PGAP6: variants seen among roughly 807,000 people sequenced by gnomAD.
PGAP6 encodes post-GPI attachment to proteins 6, also known as post-GPI attachment to proteins factor 6.
Under a neutral mutation model 68.4 loss-of-function variants are expected in PGAP6, and 62 were observed. The ratio of observed to expected loss-of-function variants is 0.91; its 90% CI spans 0.74 to 1.12. PGAP6 has a LOEUF of 1.12. PGAP6 is among the 50% of genes most tolerant of loss of function. The probability of loss-of-function intolerance (pLI) is 0.00; values close to 1 mark genes in which losing one functional copy is unlikely to be tolerated. For missense variants in PGAP6, 1,188 were observed against 1,068.5 expected (o/e 1.11, Z -1.56); for synonymous variants, 575 against 474.0 (o/e 1.21, Z -2.77).
chr16:372,156 T>C lies in PGAP6; in HGVS notation c.2147A>G (p.Asp716Gly). The C allele has an allele frequency of 6.2e-7, 1 of 1,612,836 alleles. No individual in the cohort carries two copies. The highest frequency in any genetic ancestry group is 1.3e-5 in the African/African-American group (1 of 74,994). Residue 716 changes from aspartate (D) to glycine (G), a missense_variant, in exon 13 of 13, where the codon GAC (aspartate) becomes GGC (glycine). Asp to Gly is a moderately conservative substitution (Grantham distance 94). Coordinates refer to ENST00000431232, the MANE Select transcript of PGAP6 (RefSeq NM_021259.3). ...GATGCTGTGGGTGTAGTAGTAGTTG[T>C]CGCTAGTCATCATGGAGGTGTAGAT... ...IAIYTSMMTSDNYYYTHSIWH... is the reference protein window; with the variant it reads ...IAIYTSMMTSGNYYYTHSIWH...
In PGAP6 at chr16:377,840, G is replaced by A. The variant is rs1038098503; in HGVS notation, c.130C>T (p.Leu44=). ...AGYSGKSEVG[L]VSEHFSQAPQ... ...GCCTGCGAGAAGTGCTCGGACACCA[G>A]CCCCACCTCTGTGAGGAGAAGGAGG... The change falls in exon 2 of 13, where the codon CTG becomes TTG. Residue 44 remains leucine, a synonymous_variant. Coordinates refer to ENST00000431232, the MANE Select transcript of PGAP6 (RefSeq NM_021259.3). 1.3e-6 allele frequency: 2 copies of A among 1,557,078 alleles called. No individual in the cohort carries two copies. The highest frequency in any genetic ancestry group is 2.7e-5 in the African/African-American group (2 of 73,380).
chr16:376,875 C>T (rs2054389527), intron 4 of PGAP6, 63 bp from the exon 5 acceptor site: 1 of 1,582,240 alleles, frequency 6.3e-7, no homozygotes, highest in East Asian at 2.3e-5. Context: ...ACGCAGCGTG[C>T]CCAGGCTCTG....
intron 1 of PGAP6, among the ~76,000 whole-genome samples, chr16:378,451 G>A (rs763143): frequency 1.8e-5 from 1 of 54,912 alleles, no homozygotes; most frequent in African/African-American, 7.3e-5. Flanking sequence ...CACTGCCATC[G>A]CCACCCACAC....
chr16:377,532 G>T lies in PGAP6; in HGVS notation c.353C>A (p.Pro118Gln). ...PVINPLGTSF[P>Q]DDTAVQPSFQ... ...GGAGGGCTGTACCGCGGTGTCGTCCGGGAAGCTGGTGCCCAGCGGGTTGAT... is the reference window on the plus strand; with the variant it reads ...GGAGGGCTGTACCGCGGTGTCGTCCTGGAAGCTGGTGCCCAGCGGGTTGAT... The change falls in exon 3 of 13, where the codon CCG becomes CAG. Residue 118 changes from proline (P) to glutamine (Q), a missense_variant. By Grantham distance (76) the Pro-to-Gln change is moderately conservative. Transcript: ENST00000431232. 1 of 1,592,636 alleles carries T rather than the reference G, an allele frequency of 6.3e-7. No individual in the cohort carries two copies. Among genetic ancestry groups the T allele is most frequent in the East Asian group, 2.3e-5 (1 of 43,972 alleles).
chr16:372,776 G>T, intron 11 of PGAP6, 49 bp from the exon 12 acceptor site: 2 of 1,419,934 alleles, frequency 1.4e-6, no homozygotes, highest in Non-Finnish European at 2.0e-6. Context: ...AGGGCTCAAG[G>T]CCCAGCAGGA....
chr16:378,362 CCACCCG>C (rs2054409105), intron 1 of PGAP6, among the ~76,000 whole-genome samples: 1 of 117,124 alleles, frequency 8.5e-6, no homozygotes, highest in Non-Finnish European at 1.8e-5. Flanking sequence ...ACTGCCATCC[CCACCCG>C]CACTGCCATC....
upstream of PGAP6, among the ~76,000 whole-genome samples, chr16:383,867 A>G (rs1489232384): frequency 6.6e-6 from 1 of 152,064 alleles, no homozygotes; most frequent in Non-Finnish European, 1.5e-5. Flanking sequence ...GGGGAGGGGA[A>G]GCTGACTCCA....
At chr16:386,950 A>G (rs1191854701), upstream of PGAP6, 5 of 575,186 alleles carry the variant, frequency 8.7e-6, no homozygotes, top group South Asian at 6.9e-5. Context: ...TATCCTTGGA[A>G]GAGCACCCCC....
chr16:375,159 C>T lies in PGAP6; in HGVS notation c.1413G>A (p.Leu471=). ...CAGCATTCTCAGGGCACATGAGCTG[C>T]AGGGAGAGGTACCAGTTGTCTGTCT... The part of the protein sequence containing the change: ...YPETDNWYLS[L]QLMCPENAED... The change falls in exon 8 of 13, where the codon CTG becomes CTA. Residue 471 remains leucine (L), a synonymous_variant. Transcript: ENST00000431232. The T allele has an allele frequency of 8.1e-6, 13 of 1,613,454 alleles. No individual in the cohort carries two copies. The highest frequency in any genetic ancestry group is 9.3e-6 in the Non-Finnish European group (11 of 1,179,992).
rs374992245 is a variant in PGAP6 at position 371,868 on chromosome 16, A to G, written c.*119T>C. 3.4e-6 allele frequency: 4 copies of G among 1,162,164 alleles called. No homozygotes were observed. The highest frequency in any genetic ancestry group is 2.3e-5 in the Admixed American group (1 of 42,956). The allele number at this position is 1,162,164 out of a possible 1,614,324, so 72.0% of individuals were successfully genotyped here. A position where few individuals can be genotyped will look rare whatever the true frequency, so the allele number is the denominator to read the frequency against. Reference sequence around the variant, plus strand: ...CCTCAGTAGGAGGAAGTAAGAGGGTATCTAGGCCAATTTATTCAGCTGGAA... The same window carrying G: ...CCTCAGTAGGAGGAAGTAAGAGGGTGTCTAGGCCAATTTATTCAGCTGGAA... On this transcript the variant is annotated 3_prime_UTR_variant, in exon 13 of 13. Transcript: ENST00000431232.
chr16:371,006 C>A lies in PGAP6; in HGVS notation c.*981G>T, dbSNP rs1456120310. On this transcript the variant is annotated 3_prime_UTR_variant, in exon 13 of 13. Transcript: ENST00000431232. ...AGGAAGGCCATATCCCGGACAAGAC[C>A]CAGAAGGGAAGCCCCCAGAGCCAAG... is the stretch of plus-strand genomic sequence containing the variant. 1 of 152,220 alleles carries A rather than the reference C, an allele frequency of 6.6e-6. No individual in the cohort carries two copies. The highest frequency in any genetic ancestry group is 2.4e-5 in the African/African-American group (1 of 41,416). The allele number at this position is 152,220 out of a possible 1,614,324, so 9.4% of individuals were successfully genotyped here. A position where few individuals can be genotyped will look rare whatever the true frequency, so the allele number is the denominator to read the frequency against.
At chr16:375,874 C>A (rs573357786) in intron 6 of PGAP6, among the ~76,000 whole-genome samples, 1 of 152,156 alleles carries the variant, frequency 6.6e-6, no homozygotes, top group Non-Finnish European at 1.5e-5. Flanking sequence ...CCACGGTGCA[C>A]CGGGACCTTC....
upstream of PGAP6, among the ~76,000 whole-genome samples, chr16:382,744 G>C (rs1597168316): frequency 6.8e-6 from 1 of 146,564 alleles, no homozygotes; most frequent in African/African-American, 2.5e-5. Flanking sequence ...CGCGTCGTGG[G>C]TGGGAGGGGG....
At chr16:379,113 G>A (rs764303243) in intron 1 of PGAP6, among the ~76,000 whole-genome samples, 28 of 152,202 alleles carry the variant, frequency 1.8e-4, no homozygotes, top group Non-Finnish European at 3.1e-4. Flanking sequence ...AACGACAAAG[G>A]CTTCAGAAGG....
upstream of PGAP6, chr16:382,090 TA>T (rs1162409223): frequency 8.0e-4 from 145 of 180,390 alleles, 1 homozygote; most frequent in Admixed American, 2.3e-3. Context: ...GGGGCGCCGG[TA>T]GGGGGGAGGG....
intron 3 of PGAP6, 69 bp downstream of exon 3, chr16:377,293 AGGACCACCCCAAAGAG>A: frequency 6.4e-7 from 1 of 1,567,774 alleles, no homozygotes; most frequent in Non-Finnish European, 8.7e-7. Flanking sequence ...GCCTAGAGCG[AGGACCACCCCAAAGAG>A]GTGAACGGCA....
At position 381,736 on chromosome 16, in the gene PGAP6, G is replaced by A. The variant is rs1161000113; in HGVS notation, c.86C>T (p.Pro29Leu). The change falls in exon 1 of 13, where the codon CCC becomes CTC. Residue 29 changes from proline to leucine, a missense_variant. By Grantham distance (98) the Pro-to-Leu change is moderately conservative (BLOSUM62 -3). Coordinates refer to ENST00000431232, the MANE Select transcript of PGAP6 (RefSeq NM_021259.3). Reference sequence around the variant, plus strand: ...GCTGTAGCCGGCGGAGGCAGGCGGGGGCCGGGCAAGCAGCAGCAGCAGCAG... The same window carrying A: ...GCTGTAGCCGGCGGAGGCAGGCGGGAGCCGGGCAAGCAGCAGCAGCAGCAG... ...GPLLLLLLAR[P>L]PPASAGYSGK... 4 of 1,213,720 alleles carry A rather than the reference G, an allele frequency of 3.3e-6. No individual in the cohort carries two copies. The highest frequency in any genetic ancestry group is 3.1e-6 in the Non-Finnish European group (3 of 974,962). The allele number at this position is 1,213,720 out of a possible 1,614,324, so 75.2% of individuals were successfully genotyped here.
chr16:372,845 C>T (rs753876139), intron 11 of PGAP6, 118 bp from the exon 12 acceptor site: 1 of 691,686 alleles, frequency 1.4e-6, no homozygotes, highest in East Asian at 2.7e-5. Flanking sequence ...CTGCTGCCAC[C>T]CTCAGACCAG....
In PGAP6 at chr16:377,259, GC is replaced by G. The variant is rs144553231; in HGVS notation, c.508-96del. ...ACGCCCCCGGCATGCAGGGAGCAGGGCTGGCCCCAGAGTGCAGCGTGGAGCC... is the reference window on the plus strand; with the variant it reads ...ACGCCCCCGGCATGCAGGGAGCAGGGTGGCCCCAGAGTGCAGCGTGGAGCC... On this transcript the variant is annotated intron_variant, in intron 3 of 12. Transcript: ENST00000431232. 612 of 1,593,954 alleles carry G rather than the reference GC, an allele frequency of 3.8e-4. 2 individuals carry two copies. In the African/African-American group the frequency reaches 7.6e-3, roughly 20 times the overall value.
Sources: gnomAD v4.1 joint callset for allele counts (sites outside exome capture counted in the v4.1 genomes callset) on GRCh38, gnomAD v4.1.1 for gene constraint, MANE v1.5 for transcripts, NCBI Gene and HGNC (gene_info 2026-07-23, HGNC 2026-07-21) for gene names.